Variants in ODAD2 observed in about 807,000 individuals in gnomAD.
The protein encoded by ODAD2 is outer dynein arm-docking complex subunit 2.
A neutral mutation model predicts 106.8 loss-of-function variants in ODAD2; 89 were observed. The observed-to-expected ratio is 0.83, with a 90% CI of 0.70 to 0.99. The LOEUF is 0.99. Among genes scored for constraint, ODAD2 ranks in the 50% least tolerant of loss-of-function variants. ODAD2 has a pLI of 0.00. For missense variants in ODAD2, 1,168 were observed against 1,238.5 expected (o/e 0.94, Z 0.85); for synonymous variants, 404 against 436.2 (o/e 0.93, Z 0.92).
chr10:27,823,599 G>T (rs1433397850), intron 19 of ODAD2, among the ~76,000 whole-genome samples: 3 of 152,152 alleles, frequency 2.0e-5, no homozygotes, highest in Non-Finnish European at 4.4e-5. Context: ...CATGCTATGT[G>T]CCCCTAAATT....
chr10:27,944,265 C>T lies in ODAD2; in HGVS notation c.1700G>A (p.Arg567Lys), dbSNP rs1448919932. The T allele has an allele frequency of 2.5e-6, 4 of 1,613,846 alleles. No individual in the cohort carries two copies. The highest frequency in any genetic ancestry group is 3.4e-6 in the Non-Finnish European group (4 of 1,179,988). Residue 567 changes from arginine to lysine, a missense_variant, in exon 12 of 20, where the codon AGA becomes AAA. Arg to Lys is a conservative substitution (Grantham distance 26). Transcript: ENST00000305242. ...GTGCTGCCTCACCACCCGCCGTGCT[C>T]TTTTAAACTTGGCAACATTCGCGAT... The part of the protein sequence containing the change: ...ETIANVAKFK[R>K]ARRVVRQHGG...
At chr10:27,911,138 A>G (rs1294101132) in intron 16 of ODAD2, among the ~76,000 whole-genome samples, 1 of 152,136 alleles carries the variant, frequency 6.6e-6, no homozygotes, top group Non-Finnish European at 1.5e-5. Flanking sequence ...CTTCAGCACT[A>G]TGTTTAGGGA....
intron 2 of ODAD2, among the ~76,000 whole-genome samples, chr10:27,989,320 C>T (rs138372794): frequency 1.0e-3 from 156 of 152,216 alleles, no homozygotes; most frequent in African/African-American, 3.6e-3. Flanking sequence ...ATAGGAACTG[C>T]ACATAGAAGA....
intron 15 of ODAD2, among the ~76,000 whole-genome samples, chr10:27,936,064 A>G (rs189274344): frequency 1.3e-5 from 2 of 152,272 alleles, no homozygotes; most frequent in East Asian, 3.9e-4. Flanking sequence ...TGACTTCACT[A>G]CGCCTTATTA....
chr10:27,954,221 C>T (rs1434145392), intron 10 of ODAD2, among the ~76,000 whole-genome samples: 1 of 152,106 alleles, frequency 6.6e-6, no homozygotes, highest in East Asian at 1.9e-4. Context: ...AGCACATTAT[C>T]GAAACTGGGA....
intron 19 of ODAD2, among the ~76,000 whole-genome samples, chr10:27,816,811 T>C (rs528395584): frequency 1.3e-5 from 2 of 152,254 alleles, no homozygotes; most frequent in South Asian, 4.1e-4. Flanking sequence ...TGAAGTGGTG[T>C]CATCTTGGCT....
At chr10:27,863,753 C>A (rs115131168) in intron 17 of ODAD2, among the ~76,000 whole-genome samples, 11 of 151,734 alleles carry the variant, frequency 7.2e-5, no homozygotes, top group African/African-American at 2.4e-4. Flanking sequence ...AGTTATCCAG[C>A]GTGAAAGGGA....
At chr10:27,826,864 C>G (rs538620013) in intron 19 of ODAD2, among the ~76,000 whole-genome samples, 2 of 152,180 alleles carry the variant, frequency 1.3e-5, no homozygotes, top group Non-Finnish European at 2.9e-5. Context: ...CCTCCTTTAC[C>G]TCCCCTTCCA....
chr10:27,899,212 T>C (rs902489906), intron 17 of ODAD2, among the ~76,000 whole-genome samples: 29 of 151,788 alleles, frequency 1.9e-4, no homozygotes, highest in African/African-American at 7.0e-4. Flanking sequence ...AAGGGATCAG[T>C]GAAATCCCTC....
chr10:27,985,320 T>C, intron 3 of ODAD2, 109 bp from the exon 4 acceptor site: 3 of 935,866 alleles, frequency 3.2e-6, no homozygotes, highest in Non-Finnish European at 4.6e-6. Context: ...CGTGTTTCTT[T>C]CATTAAGCTT....
intron 12 of ODAD2, among the ~76,000 whole-genome samples, chr10:27,942,034 C>A (rs1846491174): frequency 6.6e-6 from 1 of 152,118 alleles, no homozygotes; most frequent in Non-Finnish European, 1.5e-5. Flanking sequence ...CAGGTACTGA[C>A]TGCAGGTGGG....
At chr10:27,900,597 A>G (rs1392575824) in intron 17 of ODAD2, among the ~76,000 whole-genome samples, 1 of 152,224 alleles carries the variant, frequency 6.6e-6, no homozygotes, top group Non-Finnish European at 1.5e-5. Flanking sequence ...AACTAGAATA[A>G]TCACTTTAGA....
chr10:27,838,252 T>G (rs1187640411), intron 19 of ODAD2, among the ~76,000 whole-genome samples: 3 of 152,238 alleles, frequency 2.0e-5, no homozygotes, highest in Admixed American at 6.5e-5. Context: ...AATACCATTA[T>G]TAGTAGTAGT....
rs115909624 is a variant in ODAD2 at position 27,829,048 on chromosome 10, T to C, written c.3022-16423A>G. Among the ~76,000 whole-genome samples, 950 of 152,118 alleles carry C rather than the reference T, an allele frequency of 6.2e-3. 9 individuals carry two copies. Among genetic ancestry groups the C allele is most frequent in the African/African-American group, 0.021 (869 of 41,514 alleles). On this transcript the variant is annotated intron_variant, in intron 19 of 19. Coordinates refer to ENST00000305242, the MANE Select transcript of ODAD2 (RefSeq NM_018076.5). ...CATGATGGGATATAGAATTCATCCC[T>C]CATGTGGATAAAATTAGAACAGATA...
At chr10:27,906,811 A>G (rs916543537) in intron 17 of ODAD2, among the ~76,000 whole-genome samples, 4 of 152,196 alleles carry the variant, frequency 2.6e-5, no homozygotes, top group Non-Finnish European at 5.9e-5. Context: ...GGAGTTGAAC[A>G]ATGAGAACAC....
intron 17 of ODAD2, among the ~76,000 whole-genome samples, chr10:27,887,546 T>C (rs914909947): frequency 6.6e-6 from 1 of 151,972 alleles, no homozygotes; most frequent in South Asian, 2.1e-4. Context: ...AAGTGTACAA[T>C]AAACGTTCTC....
chr10:27,908,481 G>A (rs1486006115), intron 16 of ODAD2, among the ~76,000 whole-genome samples: 1 of 152,118 alleles, frequency 6.6e-6, no homozygotes, highest in Non-Finnish European at 1.5e-5. Flanking sequence ...TCGCAGTAAG[G>A]TCCATTGGGT....
chr10:27,935,107 G>A lies in ODAD2; in HGVS notation c.2398C>T (p.Gln800Ter). The A allele has an allele frequency of 6.2e-7, 1 of 1,613,994 alleles. No homozygotes were observed. Among genetic ancestry groups the A allele is most frequent in the Non-Finnish European group, 8.5e-7 (1 of 1,179,910 alleles). Reference sequence around the variant, plus strand: ...CCAACAAGGAGGTTCACAAGTGGTTGAATGCCACCACATTTCCGGACAATG... The same window carrying A: ...CCAACAAGGAGGTTCACAAGTGGTTAAATGCCACCACATTTCCGGACAATG... ...RVIVRKCGGI[Q>*]PLVNLLVGIN... Residue 800 changes from glutamine (Q) to a stop codon, truncating the protein, a stop_gained, in exon 16 of 20, where the codon CAA (glutamine) becomes TAA (stop). Coordinates refer to ENST00000305242, the MANE Select transcript of ODAD2 (RefSeq NM_018076.5). LOFTEE classifies it high-confidence loss of function.
At chr10:27,978,741 A>C (rs1849346934) in intron 7 of ODAD2, among the ~76,000 whole-genome samples, 1 of 152,086 alleles carries the variant, frequency 6.6e-6, no homozygotes, top group African/African-American at 2.4e-5. Context: ...GCAGTGAGCC[A>C]AGATCACACC....
Sources: gnomAD v4.1 joint callset for allele counts (sites outside exome capture counted in the v4.1 genomes callset) on GRCh38, gnomAD v4.1.1 for gene constraint, MANE v1.5 for transcripts, NCBI Gene and HGNC (gene_info 2026-07-23, HGNC 2026-07-21) for gene names.